The following ZDHHC23 variants were observed in gnomAD, a reference collection of about 807,000 sequenced individuals.
ZDHHC23 encodes the protein zDHHC palmitoyltransferase 23, also known as palmitoyltransferase ZDHHC23.
In ZDHHC23, 41 loss-of-function variants were observed where a neutral mutation model predicts 40.2. The observed-to-expected ratio is 1.02, with a 90% confidence interval of 0.79 to 1.32. The LOEUF (loss-of-function observed/expected upper bound fraction) is 1.32, where lower values mean the gene tolerates loss of function less well. Ranked by LOEUF, ZDHHC23 falls within the 40% of genes most tolerant of loss-of-function variation. The probability of loss-of-function intolerance (pLI) is 0.00; values close to 1 mark genes in which losing one functional copy is unlikely to be tolerated. For missense variants in ZDHHC23, 471 were observed against 541.5 expected, an observed-to-expected ratio of 0.87 and a Z score of 1.29; for synonymous variants, 204 against 210.2, an observed-to-expected ratio of 0.97 and a Z score of 0.26.
In ZDHHC23 at chr3:113,962,144, G is replaced by A. The variant is rs950483472; in HGVS notation, c.*3514G>A. ...GGTTTTCTCAGCGGCAGCTTGACAT[G>A]TGCACCCTTTTGTATTAAACACTGC... On this transcript the variant is annotated 3_prime_UTR_variant, in exon 5 of 5. Coordinates refer to ENST00000638807, the MANE Select transcript of ZDHHC23 (RefSeq NM_001320466.2). 1 of 152,410 alleles carries A rather than the reference G, an allele frequency of 6.6e-6. No individual in the cohort carries two copies. Among genetic ancestry groups the A allele is most frequent in the African/African-American group, 2.4e-5 (1 of 41,434 alleles). 9.4% of individuals were successfully genotyped at this position (152,410 alleles called of 1,614,324 possible).
chr3:113,948,729 C>G lies in ZDHHC23; in HGVS notation c.-74C>G. On this transcript the variant is annotated 5_prime_UTR_variant, in exon 2 of 5. Transcript: ENST00000638807. The stretch of plus-strand genomic sequence containing the variant: ...AGAGAGAGAGGCGTGGACCTATTTA[C>G]GAGATGTAAGTTGTGTTCTTTCCAC... The G allele has an allele frequency of 5.1e-6, 8 of 1,562,264 alleles. No homozygotes were observed. The highest frequency in any genetic ancestry group is 7.0e-6 in the Non-Finnish European group (8 of 1,140,068).
chr3:113,951,966 C>T (rs147415003), intron 2 of ZDHHC23, among the ~76,000 whole-genome samples: 2,165 of 152,148 alleles, frequency 0.014, 46 homozygotes, highest in African/African-American at 0.049. Context: ...GGAGAAACCC[C>T]GTCTCTACTA....
At chr3:113,957,041 C>A (rs1939293623) in intron 4 of ZDHHC23, among the ~76,000 whole-genome samples, 2 of 152,166 alleles carry the variant, frequency 1.3e-5, no homozygotes, top group African/African-American at 4.8e-5. Context: ...TTAATCACCA[C>A]TGATGATTAC....
At position 113,960,827 on chromosome 3, in the gene ZDHHC23, C is replaced by A; in HGVS notation, c.*2197C>A. On this transcript the variant is annotated 3_prime_UTR_variant, in exon 5 of 5. Coordinates refer to ENST00000638807, the MANE Select transcript of ZDHHC23 (RefSeq NM_001320466.2). ...ATACTTGTTTTAAGTTCCTTGAGAA[C>A]CCATGATGGACAGTTGACAGAATGC... The A allele has an allele frequency of 6.7e-7, 1 of 1,490,338 alleles. No homozygotes were observed. The highest frequency in any genetic ancestry group is 8.9e-7 in the Non-Finnish European group (1 of 1,124,616). The allele number at this position is 1,490,338 out of a possible 1,614,324, so 92.3% of individuals were successfully genotyped here. A position where few individuals can be genotyped will look rare whatever the true frequency, so the allele number is the denominator to read the frequency against.
At chr3:113,965,977 C>T (rs1940116954), downstream of ZDHHC23, among the ~76,000 whole-genome samples, 1 of 151,876 alleles carries the variant, frequency 6.6e-6, no homozygotes, top group African/African-American at 2.4e-5. Context: ...TCCAGTAACC[C>T]AAGCTACGAG....
the ZDHHC23 span, among the ~76,000 whole-genome samples, chr3:113,972,979 A>G: frequency 4.6e-5 from 7 of 152,228 alleles, no homozygotes; most frequent in Admixed American, 4.6e-4. Context: ...TAGGCAGCAT[A>G]CAGTTGGATC....
the ZDHHC23 span, among the ~76,000 whole-genome samples, chr3:113,972,993 T>C: frequency 6.6e-6 from 1 of 152,108 alleles, no homozygotes; most frequent in African/African-American, 2.4e-5. Context: ...TTGGATCTTG[T>C]TTCTTTATCC....
the ZDHHC23 span, chr3:113,978,082 T>C: frequency 7.5e-7 from 1 of 1,329,466 alleles, no homozygotes; most frequent in East Asian, 2.3e-5. Flanking sequence ...TTCCCCGCTC[T>C]CCTAGCCTCC....
downstream of ZDHHC23, among the ~76,000 whole-genome samples, chr3:113,969,351 G>C (rs1940564708): frequency 6.6e-6 from 1 of 152,140 alleles, no homozygotes; most frequent in African/African-American, 2.4e-5. Flanking sequence ...TTTTTAGCTT[G>C]ATGTAATCCC....
At chr3:113,963,859 TTGA>T, downstream of ZDHHC23, among the ~76,000 whole-genome samples, 1 of 152,308 alleles carries the variant, frequency 6.6e-6, no homozygotes, top group South Asian at 2.1e-4. Context: ...GTTAGTGATT[TTGA>T]TGGAAAGTGA....
chr3:113,964,738 G>C (rs939588438), downstream of ZDHHC23: 1 of 152,610 alleles, frequency 6.6e-6, no homozygotes, highest in African/African-American at 2.4e-5. Flanking sequence ...CTAGAAGGCT[G>C]AGTGCCTTGG....
Position 113,957,198 on chromosome 3 carries a change from C to T in ZDHHC23, c.1040+692C>T, listed in dbSNP as rs142325000. Among the ~76,000 whole-genome samples the T allele has an allele frequency of 3.2e-3, 483 of 152,348 alleles. 2 individuals carry two copies. Among genetic ancestry groups the T allele is most frequent in the African/African-American group, 0.011 (458 of 41,586 alleles). On this transcript the variant is annotated intron_variant, in intron 4 of 4. Transcript: ENST00000638807. Reference sequence around the variant, plus strand: ...CCCCTCTGCCCATGCTCTTTATTCCCTTCCCTTCATCATCCTCTCTGACAT... The same window carrying T: ...CCCCTCTGCCCATGCTCTTTATTCCTTTCCCTTCATCATCCTCTCTGACAT...
Position 113,958,354 on chromosome 3 carries a change from C to G in ZDHHC23, c.1041-9C>G, listed in dbSNP as rs1206004567. The stretch of plus-strand genomic sequence containing the variant: ...ACGGCAGCCCTGACAGCCTTTTTCC[C>G]TCTCCTAGCTCGGCTCTGTCCTTCA... On this transcript the variant is annotated splice_polypyrimidine_tract_variant and intron_variant, in intron 4 of 4. Transcript: ENST00000638807. 1.9e-6 allele frequency: 3 copies of G among 1,588,248 alleles called. No homozygotes were observed.
chr3:113,953,758 T>C lies in ZDHHC23; in HGVS notation c.220T>C (p.Ser74Pro). The C allele has an allele frequency of 6.2e-7, 1 of 1,614,214 alleles. No individual in the cohort carries two copies. The highest frequency in any genetic ancestry group is 1.7e-5 in the Admixed American group (1 of 60,018). The change falls in exon 3 of 5, where the codon TCT becomes CCT. Residue 74 changes from serine (S) to proline (P), a missense_variant. Physicochemically the swap from Ser to Pro is moderately conservative, Grantham distance 74. Around this residue, in one of 3 missense-constraint regions of ZDHHC23, gnomAD observed 42 missense variants for 73.9 expected, o/e 0.57. Coordinates refer to ENST00000638807, the MANE Select transcript of ZDHHC23 (RefSeq NM_001320466.2). Reference sequence around the variant, plus strand: ...TTGTGAAAGAATCATGGATACAATTTCTGATCGCCTCCGAATTCCTTGGCT... The same window carrying C: ...TTGTGAAAGAATCATGGATACAATTCCTGATCGCCTCCGAATTCCTTGGCT... Reference protein sequence around the residue: ...ETCERIMDTISDRLRIPWLRG... With the variant: ...ETCERIMDTIPDRLRIPWLRG...
intron 1 of ZDHHC23, 58 bp from the exon 2 acceptor site, chr3:113,948,628 G>A: frequency 1.5e-6 from 1 of 678,192 alleles, no homozygotes; most frequent in Non-Finnish European, 2.4e-6. Flanking sequence ...CGGAGCCACA[G>A]AAGCCTGATG....
At chr3:113,978,048 G>C in the ZDHHC23 span, 1 of 859,414 alleles carries the variant, frequency 1.2e-6, no homozygotes, top group Non-Finnish European at 1.8e-6. Flanking sequence ...CTGGTGAGCC[G>C]GGACTCCCAC....
chr3:113,960,593 C>G lies in ZDHHC23; in HGVS notation c.*1963C>G, dbSNP rs1939612268. The G allele has an allele frequency of 6.5e-7, 1 of 1,542,498 alleles. No homozygotes were observed. Among genetic ancestry groups the G allele is most frequent in the African/African-American group, 1.4e-5 (1 of 70,426 alleles). On this transcript the variant is annotated 3_prime_UTR_variant, in exon 5 of 5. Transcript: ENST00000638807. The stretch of plus-strand genomic sequence containing the variant: ...AAACATTAGTCAGTAATTTTAGCTT[C>G]TTGCCAAATTGTTCACAACATCTAA...
intron 3 of ZDHHC23, among the ~76,000 whole-genome samples, chr3:113,955,389 T>TGTGTGTGTGC (rs368956826): frequency 7.6e-4 from 106 of 140,258 alleles, no homozygotes; most frequent in African/African-American, 2.7e-3. Context: ...TGTGTGTGTG[T>TGTGTGTGTGC]GTGCGTGTGT....
chr3:113,977,824 CAATA>C, the ZDHHC23 span, among the ~76,000 whole-genome samples: 1 of 152,126 alleles, frequency 6.6e-6, no homozygotes, highest in Admixed American at 6.5e-5. Flanking sequence ...GTACATTTCA[CAATA>C]AATGATGTTG....
Sources: allele counts gnomAD v4.1 joint callset (sites outside exome capture counted in the v4.1 genomes callset), GRCh38; gene constraint gnomAD v4.1.1; regional missense constraint gnomAD v4.1.1; transcripts MANE v1.5; gene names NCBI Gene and HGNC (gene_info 2026-07-23, HGNC 2026-07-21).